The following DMD variants were observed in gnomAD, a reference collection of about 807,000 sequenced individuals.
DMD encodes mutant dystrophin.
Under a neutral mutation model 330.1 loss-of-function variants are expected in DMD, and 63 were observed. That is an observed-to-expected ratio of 0.19 (90% CI 0.16 to 0.24). The LOEUF is 0.24. Ranked by LOEUF, DMD falls within the 10% of genes least tolerant of loss-of-function variation. The probability of loss-of-function intolerance (pLI) is 1.00; values close to 1 mark genes in which losing one functional copy is unlikely to be tolerated. For missense variants in DMD, 3,344 were observed against 2,684.1 expected (o/e 1.25, Z -5.43); for synonymous variants, 1,223 against 959.8 (o/e 1.27, Z -5.07).
At chrX:32,203,821 TTTG>T (rs1439460122) in intron 44 of DMD, among the ~76,000 whole-genome samples, 1 of 112,070 alleles carries the variant, frequency 8.9e-6, no homozygotes, top group African/African-American at 3.2e-5. Context: ...TATGAAGTGC[TTTG>T]TTATGTTATG....
intron 2 of DMD, among the ~76,000 whole-genome samples, chrX:32,977,599 C>T (rs905130562): frequency 9.9e-5 from 11 of 111,491 alleles, no homozygotes; most frequent in African/African-American, 3.6e-4. Context: ...GTATAATAGA[C>T]TCTTCCTTCC....
chrX:32,393,641 A>AT (rs2098019790), intron 30 of DMD, among the ~76,000 whole-genome samples: 1 of 111,324 alleles, frequency 9.0e-6, no homozygotes. Flanking sequence ...TATAATATGT[A>AT]TTTTTTCAGT....
At position 32,996,630 on chromosome X, in the gene DMD, C is replaced by T. The variant is rs778314511; in HGVS notation, c.93+23509G>A. Among the ~76,000 whole-genome samples the T allele has an allele frequency of 8.1e-5, 9 of 110,935 alleles. No individual in the cohort carries two copies. In the South Asian group the frequency reaches 2.7e-3, roughly 33 times the overall value. On this transcript the variant is annotated intron_variant, in intron 2 of 78. Coordinates refer to ENST00000357033, the MANE Select transcript of DMD (RefSeq NM_004006.3). Reference sequence around the variant, plus strand: ...CTGAGGTCAGGAGTTCGAGACCAGCCGGGCCAACATGGCAAAACCTCTACC... The same window carrying T: ...CTGAGGTCAGGAGTTCGAGACCAGCTGGGCCAACATGGCAAAACCTCTACC...
intron 18 of DMD, chrX:32,516,756 GCAAA>G (rs945528294): frequency 6.3e-5 from 7 of 111,090 alleles, no homozygotes; most frequent in Admixed American, 2.9e-4. Flanking sequence ...AAAAATCACA[GCAAA>G]CAATTTACCT....
rs773109927 is a variant in DMD at position 32,983,689 on chromosome X, TAA to T, written c.93+36448_93+36449del. Among the ~76,000 whole-genome samples the T allele has an allele frequency of 3.6e-5, 4 of 111,510 alleles. No individual in the cohort carries two copies. The East Asian group carries it at 8.5e-4, about 24-fold the overall frequency. On this transcript the variant is annotated intron_variant, in intron 2 of 78. Coordinates refer to ENST00000357033, the MANE Select transcript of DMD (RefSeq NM_004006.3). ...AATATTAACTTTAGGGAAAAAATGG[TAA>T]AGTGTACATAGGATATCCGTATTAT...
intron 9 of DMD, among the ~76,000 whole-genome samples, chrX:32,697,660 A>G (rs952961667): frequency 8.9e-6 from 1 of 111,999 alleles, no homozygotes; most frequent in African/African-American, 3.2e-5. Context: ...ACGGGAATTC[A>G]TATTTATGAA....
Position 32,346,073 on chromosome X carries a change from T to C in DMD, c.5456A>G (p.Asp1819Gly). Residue 1819 changes from aspartate to glycine, a missense_variant, in exon 39 of 79, where the codon GAC becomes GGC. Asp to Gly is a moderately conservative substitution (Grantham distance 94, BLOSUM62 -1). Coordinates refer to ENST00000357033, the MANE Select transcript of DMD (RefSeq NM_004006.3). ...CAATTCTTTTACAGTACCCTCATTG[T>C]CTTCATTCTGATCAAAAACAACAAG... Reference protein sequence around the residue: ...EEDFNKDMNEDNEGTVKELLQ... With the variant: ...EEDFNKDMNEGNEGTVKELLQ... The C allele has an allele frequency of 8.3e-7, 1 of 1,209,988 alleles. No homozygotes were observed. The highest frequency in any genetic ancestry group is 1.1e-6 in the Non-Finnish European group (1 of 894,364).
chrX:32,673,974 T>A (rs1262078872), intron 9 of DMD, among the ~76,000 whole-genome samples: 2 of 111,718 alleles, frequency 1.8e-5, no homozygotes. Context: ...CACCTTGTTA[T>A]CACTCAAACC....
chrX:32,603,636 A>G (rs1425887379), intron 12 of DMD, among the ~76,000 whole-genome samples: 1 of 111,530 alleles, frequency 9.0e-6, no homozygotes, highest in African/African-American at 3.2e-5. Flanking sequence ...AAAAAACAGA[A>G]GAATCAAATA....
chrX:33,210,328 T>C (rs1460979862), intron 1 of DMD, among the ~76,000 whole-genome samples: 1 of 110,637 alleles, frequency 9.0e-6, no homozygotes, highest in Non-Finnish European at 1.9e-5. Context: ...TTAGAATAAC[T>C]ACACTCCACA....
chrX:32,599,408 T>G (rs888737509), intron 12 of DMD, among the ~76,000 whole-genome samples: 1 of 111,804 alleles, frequency 8.9e-6, no homozygotes, highest in Non-Finnish European at 1.9e-5. Flanking sequence ...TTTCTCCAGT[T>G]GGAAAGAAAT....
At chrX:31,328,249 G>T (rs1569527138) in intron 61 of DMD, among the ~76,000 whole-genome samples, 1 of 110,253 alleles carries the variant, frequency 9.1e-6, no homozygotes, top group East Asian at 2.8e-4. Context: ...ATTCCTAGAA[G>T]TATATTTACT....
chrX:32,968,662 G>A (rs893386085), intron 2 of DMD, among the ~76,000 whole-genome samples: 1 of 110,626 alleles, frequency 9.0e-6, no homozygotes, highest in African/African-American at 3.3e-5. Flanking sequence ...TTAGGAGATG[G>A]GTTTGGGGCT....
At chrX:31,776,818 T>G (rs2090696164) in intron 50 of DMD, among the ~76,000 whole-genome samples, 1 of 112,015 alleles carries the variant, frequency 8.9e-6, no homozygotes, top group Admixed American at 9.4e-5. Context: ...GGATGATAAA[T>G]TAGCTGAAGC....
intron 59 of DMD, among the ~76,000 whole-genome samples, chrX:31,456,876 G>GTGTGTA (rs752346201): frequency 4.1e-4 from 28 of 68,725 alleles, no homozygotes; most frequent in Middle Eastern, 7.8e-3. Context: ...GTGTGTGTGT[G>GTGTGTA]TATATATATA....
chrX:33,249,862 T>C (rs759570250), intron 1 of DMD, among the ~76,000 whole-genome samples: 1 of 110,456 alleles, frequency 9.1e-6, no homozygotes, highest in African/African-American at 3.3e-5. Flanking sequence ...ATTTACCATG[T>C]AGTATGTTCC....
At chrX:32,141,825 T>C (rs752238418) in intron 44 of DMD, among the ~76,000 whole-genome samples, 2 of 110,840 alleles carry the variant, frequency 1.8e-5, no homozygotes, top group East Asian at 5.7e-4. Context: ...TGATGGGCCT[T>C]GGGGCCTTTT....
intron 7 of DMD, among the ~76,000 whole-genome samples, chrX:32,710,716 G>C (rs2065110841): frequency 1.8e-5 from 2 of 110,786 alleles, no homozygotes; most frequent in South Asian, 7.7e-4. Flanking sequence ...ACTGAGGATA[G>C]GAAAAGCAGA....
intron 55 of DMD, among the ~76,000 whole-genome samples, chrX:31,555,559 G>A (rs1273516867): frequency 7.1e-5 from 8 of 111,955 alleles, no homozygotes; most frequent in South Asian, 3.8e-4. Context: ...TTCCAGCACC[G>A]TAAGTCTTCT....
Sources: allele counts gnomAD v4.1 joint callset (sites outside exome capture counted in the v4.1 genomes callset), GRCh38; gene constraint gnomAD v4.1.1; transcripts MANE v1.5; gene names NCBI Gene and HGNC (gene_info 2026-07-23, HGNC 2026-07-21).